The following KLF2 variants were observed in gnomAD, a reference collection of about 807,000 sequenced individuals.
The protein encoded by KLF2 is KLF transcription factor 2.
A neutral mutation model predicts 22.2 loss-of-function variants in KLF2; 9 were observed. The observed-to-expected ratio is 0.40, with a 90% CI of 0.24 to 0.71. The LOEUF (loss-of-function observed/expected upper bound fraction) is 0.71. Ranked by LOEUF, KLF2 falls within the 30% of genes least tolerant of loss-of-function variation. KLF2 has a pLI of 0.35. For missense variants in KLF2, 481 were observed against 542.1 expected, an observed-to-expected ratio of 0.89 and a Z score of 1.12; for synonymous variants, 299 against 264.2, an observed-to-expected ratio of 1.13 and a Z score of -1.28.
chr19:16,325,189 T>A, intron 1 of KLF2, 27 bp from the exon 2 acceptor site: 1 of 1,457,008 alleles, frequency 6.9e-7, no homozygotes, highest in Non-Finnish European at 9.1e-7. Context: ...CGCCGCCCGC[T>A]CACGCCCATT....
Position 16,327,272 on chromosome 19 carries a change from G to T in KLF2, c.*241G>T. 8.5e-6 allele frequency: 4 copies of T among 471,748 alleles called. No individual in the cohort carries two copies. Among genetic ancestry groups the T allele is most frequent in the Non-Finnish European group, 1.5e-5 (4 of 262,614 alleles). 29.2% of individuals were successfully genotyped at this position (471,748 alleles called of 1,614,324 possible). A position where few individuals can be genotyped will look rare whatever the true frequency, so the allele number is the denominator to read the frequency against. On this transcript the variant is annotated 3_prime_UTR_variant, in exon 3 of 3. Coordinates refer to ENST00000248071, the MANE Select transcript of KLF2 (RefSeq NM_016270.4). ...CTTGACGAGTTTTGTTTTTCAAAAT[G>T]GTGCAATAATTTAAGTGGCATCTTC...
rs1228365905 is a variant in KLF2 at position 16,327,193 on chromosome 19, C to G, written c.*162C>G. ...TCGATGACGACGACGACGACGCCAC[C>G]ACCCCAGCCCCCGTCTGTGACTGAA... is the stretch of plus-strand genomic sequence containing the variant. On this transcript the variant is annotated 3_prime_UTR_variant, in exon 3 of 3. Transcript: ENST00000248071. 5 of 627,630 alleles carry G rather than the reference C, an allele frequency of 8.0e-6. No homozygotes were observed. The highest frequency in any genetic ancestry group is 2.2e-5 in the South Asian group (1 of 46,234). The allele number at this position is 627,630 out of a possible 1,614,324, so 38.9% of individuals were successfully genotyped here. A position where few individuals can be genotyped will look rare whatever the true frequency, so the allele number is the denominator to read the frequency against.
rs1043492130 is a variant in KLF2, at chr19:16,328,621, A to C, written c.*1590A>C. Among the ~76,000 whole-genome samples, 1 of 152,182 alleles carries C rather than the reference A, an allele frequency of 6.6e-6. No homozygotes were observed. The highest frequency in any genetic ancestry group is 6.6e-5 in the Admixed American group (1 of 15,264). ...CTGAGAGGTGTTTGGTAATCCACGA[A>C]AAGCAGAAATACGATTTGACAATCT... On this transcript the variant is annotated 3_prime_UTR_variant, in exon 3 of 3. Coordinates refer to ENST00000248071, the MANE Select transcript of KLF2 (RefSeq NM_016270.4).
In KLF2 at chr19:16,327,168, T is replaced by TCGATGA. The variant is rs199758859; in HGVS notation, c.*141_*146dup. The TCGATGA allele has an allele frequency of 0.013, 11,106 of 835,404 alleles. 137 individuals are homozygous for TCGATGA. The highest frequency in any genetic ancestry group is 0.057 in the Middle Eastern group (147 of 2,584). The allele number at this position is 835,404 out of a possible 1,614,324, so 51.7% of individuals were successfully genotyped here. On this transcript the variant is annotated 3_prime_UTR_variant, in exon 3 of 3. Transcript: ENST00000248071. ...ACAGCGTGGCTACAGAGGGTCTCCCTCGATGACGACGACGACGACGCCACC... is the reference window on the plus strand; with the variant it reads ...ACAGCGTGGCTACAGAGGGTCTCCCTCGATGACGATGACGACGACGACGACGCCACC...
chr19:16,327,199 AGCCCCCGTCTGTGACTG>A lies in KLF2; in HGVS notation c.*169_*185del. 1.6e-6 allele frequency: 1 copy of A among 609,172 alleles called. No individual in the cohort carries two copies. Among genetic ancestry groups the A allele is most frequent in the Non-Finnish European group, 2.8e-6 (1 of 363,156 alleles). The allele number at this position is 609,172 out of a possible 1,614,324, so 37.7% of individuals were successfully genotyped here. On this transcript the variant is annotated 3_prime_UTR_variant, in exon 3 of 3. Transcript: ENST00000248071. Reference sequence around the variant, plus strand: ...ACGACGACGACGACGCCACCACCCCAGCCCCCGTCTGTGACTGAAGGCCCGGTGGGAAAAGACCACGA... The same window carrying A: ...ACGACGACGACGACGCCACCACCCCAAAGGCCCGGTGGGAAAAGACCACGA...
Position 16,325,383 on chromosome 19 carries a change from C to T in KLF2, c.243C>T (p.Pro81=), listed in dbSNP as rs1461131516. ...PAFYYPEPGA[P]PPYSAPAGGL... is the part of the protein sequence containing the mutation. ...TCTATTACCCCGAACCCGGCGCGCC[C>T]CCGCCCTACAGCGCCCCCGCGGGTG... is the stretch of plus-strand genomic sequence containing the variant. Residue 81 remains proline (P), a synonymous_variant, in exon 2 of 3, where the codon CCC becomes CCT. Coordinates refer to ENST00000248071, the MANE Select transcript of KLF2 (RefSeq NM_016270.4). 3 of 1,428,144 alleles carry T rather than the reference C, an allele frequency of 2.1e-6. No homozygotes were observed. Among genetic ancestry groups the T allele is most frequent in the Non-Finnish European group, 2.7e-6 (3 of 1,103,018 alleles). The allele number at this position is 1,428,144 out of a possible 1,614,324, so 88.5% of individuals were successfully genotyped here. A position where few individuals can be genotyped will look rare whatever the true frequency, so the allele number is the denominator to read the frequency against.
rs1402324077 is a variant in KLF2, at chr19:16,327,238, A to G, written c.*207A>G. 2 of 505,614 alleles carry G rather than the reference A, an allele frequency of 4.0e-6. No individual in the cohort carries two copies. The highest frequency in any genetic ancestry group is 7.0e-6 in the Non-Finnish European group (2 of 284,192). The allele number at this position is 505,614 out of a possible 1,614,324, so 31.3% of individuals were successfully genotyped here. A position where few individuals can be genotyped will look rare whatever the true frequency, so the allele number is the denominator to read the frequency against. ...ACTGAAGGCCCGGTGGGAAAAGACC[A>G]CGATCCTCCTTGACGAGTTTTGTTT... On this transcript the variant is annotated 3_prime_UTR_variant, in exon 3 of 3. Transcript: ENST00000248071.
At chr19:16,326,106 A>G (rs2091889257) in intron 2 of KLF2, 74 bp downstream of exon 2, 4 of 1,432,452 alleles carry the variant, frequency 2.8e-6, no homozygotes, top group Admixed American at 2.1e-5. Context: ...AGCGCGCGCC[A>G]GAAAATGAAT....
chr19:16,327,495 T>C lies in KLF2; in HGVS notation c.*464T>C, dbSNP rs2091893850. 6.6e-6 allele frequency: 1 copy of C among 152,366 alleles called. No individual in the cohort carries two copies. Among genetic ancestry groups the C allele is most frequent in the African/African-American group, 2.4e-5 (1 of 41,172 alleles). 9.4% of individuals were successfully genotyped at this position (152,366 alleles called of 1,614,324 possible). On this transcript the variant is annotated 3_prime_UTR_variant, in exon 3 of 3. Coordinates refer to ENST00000248071, the MANE Select transcript of KLF2 (RefSeq NM_016270.4). The stretch of plus-strand genomic sequence containing the variant: ...TTTTATAAGATTTTGCTGGGTTGGT[T>C]TTTTTTTTAATTAAAAAGTTTTGCA...
intron 2 of KLF2, among the ~76,000 whole-genome samples, 162 bp downstream of exon 2, chr19:16,326,194 C>T (rs1231241629): frequency 2.4e-5 from 3 of 126,742 alleles, no homozygotes; most frequent in Non-Finnish European, 4.9e-5. Context: ...AGGCGTGGCT[C>T]GGGAGGTTGG....
chr19:16,328,268 G>A lies in KLF2; in HGVS notation c.*1237G>A, dbSNP rs1313117376. On this transcript the variant is annotated 3_prime_UTR_variant, in exon 3 of 3. Transcript: ENST00000248071. Reference sequence around the variant, plus strand: ...CCTCCTCCCCTGTAGGTCTCCTGGTGCAAAAAATTCACTGCCTCAATGGTA... The same window carrying A: ...CCTCCTCCCCTGTAGGTCTCCTGGTACAAAAAATTCACTGCCTCAATGGTA... Among the ~76,000 whole-genome samples, 1 of 152,028 alleles carries A rather than the reference G, an allele frequency of 6.6e-6. No individual in the cohort carries two copies. Among genetic ancestry groups the A allele is most frequent in the African/African-American group, 2.4e-5 (1 of 41,406 alleles).
At position 16,325,016 on chromosome 19, in the gene KLF2, G is replaced by C. The variant is rs1269024747; in HGVS notation, c.75+18G>C. ...TGCAGGAGGTGAGGGCGGCGGGGACGGCGGGGCGGCCGGGACCGTGGGCGG... is the reference window on the plus strand; with the variant it reads ...TGCAGGAGGTGAGGGCGGCGGGGACCGCGGGGCGGCCGGGACCGTGGGCGG... On this transcript the variant is annotated intron_variant, in intron 1 of 2. Transcript: ENST00000248071. 8 of 1,561,402 alleles carry C rather than the reference G, an allele frequency of 5.1e-6. No homozygotes were observed. The highest frequency in any genetic ancestry group is 1.9e-5 in the Admixed American group (1 of 53,320).
chr19:16,325,048 C>T lies in KLF2; in HGVS notation c.75+50C>T, dbSNP rs746328444. On this transcript the variant is annotated intron_variant, in intron 1 of 2. Transcript: ENST00000248071. ...CGGCCGGGACCGTGGGCGGCGGGCTCGGGGTAGTAGAACGTGGGCTGCGGG... is the reference window on the plus strand; with the variant it reads ...CGGCCGGGACCGTGGGCGGCGGGCTTGGGGTAGTAGAACGTGGGCTGCGGG... The T allele has an allele frequency of 1.1e-5, 17 of 1,482,028 alleles. No homozygotes were observed. The East Asian group carries it at 3.8e-4, about 33-fold the overall frequency. 91.8% of individuals were successfully genotyped at this position (1,482,028 alleles called of 1,614,324 possible).
chr19:16,326,178 C>T (rs1047970329), intron 2 of KLF2, 146 bp downstream of exon 2: 2 of 751,004 alleles, frequency 2.7e-6, no homozygotes, highest in African/African-American at 3.7e-5. Context: ...CTTAGGACTC[C>T]CCAGGAGGCG....
In KLF2 at chr19:16,327,165, C is replaced by T; in HGVS notation, c.*134C>T. ...GGCACAGCGTGGCTACAGAGGGTCT[C>T]CCTCGATGACGACGACGACGACGCC... On this transcript the variant is annotated 3_prime_UTR_variant, in exon 3 of 3. Coordinates refer to ENST00000248071, the MANE Select transcript of KLF2 (RefSeq NM_016270.4). 1 of 849,654 alleles carries T rather than the reference C, an allele frequency of 1.2e-6. No homozygotes were observed. The allele number at this position is 849,654 out of a possible 1,614,324, so 52.6% of individuals were successfully genotyped here.
chr19:16,324,980 C>A lies in KLF2; in HGVS notation c.57C>A (p.Arg19=), dbSNP rs781687553. 3.1e-6 allele frequency: 5 copies of A among 1,600,572 alleles called. No homozygotes were observed. Among genetic ancestry groups the A allele is most frequent in the Non-Finnish European group, 4.3e-6 (5 of 1,174,840 alleles). ...PSFSTFASPC[R]ERGLQERWPR... ...TCTCCACTTTCGCCAGCCCGTGCCG[C>A]GAGCGCGGCCTGCAGGAGGTGAGGG... Residue 19 remains arginine, a synonymous_variant, in exon 1 of 3, where the codon CGC becomes CGA. Transcript: ENST00000248071.
Position 16,327,054 on chromosome 19 carries a change from C to T in KLF2, c.*23C>T, listed in dbSNP as rs777798909. 3.2e-6 allele frequency: 5 copies of T among 1,543,052 alleles called. No homozygotes were observed. The South Asian group carries it at 3.5e-5, about 11-fold the overall frequency. Reference sequence around the variant, plus strand: ...TAGCCGGGACGCCCCCGCCCACCTGCGCGCGGCCGTGGCGGGTCCCACGCG... The same window carrying T: ...TAGCCGGGACGCCCCCGCCCACCTGTGCGCGGCCGTGGCGGGTCCCACGCG... On this transcript the variant is annotated 3_prime_UTR_variant, in exon 3 of 3. Coordinates refer to ENST00000248071, the MANE Select transcript of KLF2 (RefSeq NM_016270.4).
At position 16,327,172 on chromosome 19, in the gene KLF2, T is replaced by TGAC. The variant is rs769364180; in HGVS notation, c.*155_*157dup. On this transcript the variant is annotated 3_prime_UTR_variant, in exon 3 of 3. Transcript: ENST00000248071. ...CGTGGCTACAGAGGGTCTCCCTCGA[T>TGAC]GACGACGACGACGACGCCACCACCC... 82 of 800,982 alleles carry TGAC rather than the reference T, an allele frequency of 1.0e-4. No individual in the cohort carries two copies. The highest frequency in any genetic ancestry group is 1.3e-4 in the Non-Finnish European group (68 of 534,330). The allele number at this position is 800,982 out of a possible 1,614,324, so 49.6% of individuals were successfully genotyped here.
Position 16,325,342 on chromosome 19 carries a change from C to A in KLF2, c.202C>A (p.Pro68Thr). 2 of 1,465,982 alleles carry A rather than the reference C, an allele frequency of 1.4e-6. No homozygotes were observed. The highest frequency in any genetic ancestry group is 1.8e-6 in the Non-Finnish European group (2 of 1,116,510). 90.8% of individuals were successfully genotyped at this position (1,465,982 alleles called of 1,614,324 possible). Residue 68 changes from proline (P) to threonine (T), a missense_variant, in exon 2 of 3, where the codon CCC (proline) becomes ACC (threonine). Coordinates refer to ENST00000248071, the MANE Select transcript of KLF2 (RefSeq NM_016270.4). ...GGCCGCCCCGGAGCCGCCGCCGCCG[C>A]CCCCGCCGCCTGCGTTCTATTACCC... ...AEAAPEPPPP[P>T]PPPAFYYPEP...
Sources: allele counts gnomAD v4.1 joint callset (sites outside exome capture counted in the v4.1 genomes callset), GRCh38; gene constraint gnomAD v4.1.1; transcripts MANE v1.5; gene names NCBI Gene and HGNC (gene_info 2026-07-23, HGNC 2026-07-21).